Variants in CELF4 observed in about 807,000 individuals in gnomAD.
CELF4 encodes CUGBP Elav-like family member 4.
Under a neutral mutation model 59.9 loss-of-function variants are expected in CELF4, and 18 were observed. The observed-to-expected ratio is 0.30, with a 90% CI of 0.21 to 0.45. The LOEUF is 0.45. Ranked by LOEUF, CELF4 falls within the 20% of genes least tolerant of loss-of-function variation. CELF4 has a pLI of 1.00. For missense variants in CELF4, 456 were observed against 689.0 expected, an observed-to-expected ratio of 0.66 and a Z score of 3.79; for synonymous variants, 261 against 267.1, an observed-to-expected ratio of 0.98 and a Z score of 0.22.
At chr18:37,275,319 GAGCGGCA>G in intron 3 of CELF4, 76 bp from the exon 4 acceptor site, 1 of 1,505,712 alleles carries the variant, frequency 6.6e-7, no homozygotes, top group East Asian at 2.7e-5. Context: ...CGGAGGGGGA[GAGCGGCA>G]GGGAAAGGGA....
At chr18:37,272,224 A>T (rs1169064582) in intron 7 of CELF4, among the ~76,000 whole-genome samples, 1 of 152,162 alleles carries the variant, frequency 6.6e-6, no homozygotes. Flanking sequence ...TGACACTATT[A>T]CCATCTGGGG....
At chr18:37,526,226 A>G (rs2099963683) in intron 1 of CELF4, among the ~76,000 whole-genome samples, 1 of 152,132 alleles carries the variant, frequency 6.6e-6, no homozygotes, top group East Asian at 1.9e-4. Flanking sequence ...TAGAGGATGC[A>G]TTTTCTTTCA....
At chr18:37,270,644 C>T (rs2090704336) in intron 8 of CELF4, 124 bp downstream of exon 8, 1 of 1,218,702 alleles carries the variant, frequency 8.2e-7, no homozygotes, top group Non-Finnish European at 1.2e-6. Flanking sequence ...TCTGATCACA[C>T]TTGGGGTTTC....
chr18:37,498,897 G>A (rs771714162), intron 1 of CELF4, among the ~76,000 whole-genome samples: 4 of 152,166 alleles, frequency 2.6e-5, no homozygotes, highest in Admixed American at 6.5e-5. Context: ...ACACTCACCT[G>A]CTGGGGTCCT....
chr18:37,325,873 T>C (rs968046343), intron 2 of CELF4, among the ~76,000 whole-genome samples: 3 of 152,232 alleles, frequency 2.0e-5, no homozygotes, highest in African/African-American at 7.2e-5. Context: ...TTTGAGGGGC[T>C]TGTCAGAGAG....
chr18:37,479,327 G>C (rs756022351), intron 2 of CELF4, among the ~76,000 whole-genome samples: 1 of 152,222 alleles, frequency 6.6e-6, no homozygotes, highest in Non-Finnish European at 1.5e-5. Flanking sequence ...GGGCCTCACT[G>C]TCCCACCTTC....
In CELF4 at chr18:37,254,023, G is replaced by A. The variant is rs1176013902; in HGVS notation, c.1334-85C>T. ...GCGGGGAGGGGTCGGGGGACAGGGG[G>A]GCGGGGCGGGCCTGAGGCTCTCCCC... On this transcript the variant is annotated intron_variant, in intron 11 of 12. Transcript: ENST00000420428. This position sits in a 1 kb window ranked among gnomAD's most constrained non-coding sequence, Gnocchi z 5.1. 3.6e-5 allele frequency: 38 copies of A among 1,048,134 alleles called. No individual in the cohort carries two copies. The highest frequency in any genetic ancestry group is 2.7e-4 in the East Asian group (8 of 29,758). 64.9% of individuals were successfully genotyped at this position (1,048,134 alleles called of 1,614,324 possible). A position where few individuals can be genotyped will look rare whatever the true frequency, so the allele number is the denominator to read the frequency against.
intron 2 of CELF4, among the ~76,000 whole-genome samples, chr18:37,334,138 C>T (rs753289051): frequency 2.0e-5 from 3 of 152,122 alleles, no homozygotes; most frequent in Non-Finnish European, 2.9e-5. Context: ...CTGCATGGGG[C>T]GTCGTAATCC....
chr18:37,346,405 G>A (rs1439588702), intron 2 of CELF4, among the ~76,000 whole-genome samples: 1 of 152,192 alleles, frequency 6.6e-6, no homozygotes, highest in East Asian at 1.9e-4. Flanking sequence ...TGTGACAGAG[G>A]CAGGGCAGGT....
At chr18:37,341,268 C>T (rs572147074) in intron 2 of CELF4, among the ~76,000 whole-genome samples, 227 of 152,300 alleles carry the variant, frequency 1.5e-3, no homozygotes, top group African/African-American at 4.8e-3. Flanking sequence ...TAATCAGCAG[C>T]CCTGGGATCC....
At chr18:37,516,881 C>T (rs913424587) in intron 1 of CELF4, among the ~76,000 whole-genome samples, 3 of 152,196 alleles carry the variant, frequency 2.0e-5, no homozygotes, top group African/African-American at 4.8e-5. Flanking sequence ...GGATCTCCTC[C>T]CCATTTTAAT....
chr18:37,250,264 C>A (rs528655852), intron 12 of CELF4, among the ~76,000 whole-genome samples: 2 of 152,284 alleles, frequency 1.3e-5, no homozygotes, highest in Admixed American at 1.3e-4. Flanking sequence ...GACAACAAAC[C>A]CAAGCCACCA....
At chr18:37,442,127 A>C (rs955289198) in intron 2 of CELF4, among the ~76,000 whole-genome samples, 4 of 152,154 alleles carry the variant, frequency 2.6e-5, no homozygotes, top group African/African-American at 9.7e-5. Flanking sequence ...ACAAAGGATG[A>C]ATTACCCAGG....
At chr18:37,545,633 C>T (rs555029229) in intron 1 of CELF4, among the ~76,000 whole-genome samples, 89 of 152,102 alleles carry the variant, frequency 5.9e-4, no homozygotes, top group Admixed American at 1.5e-3. Context: ...CCTCTGGCCT[C>T]GCTGGTCGAG....
intron 3 of CELF4, among the ~76,000 whole-genome samples, chr18:37,315,830 C>T (rs1442767240): frequency 6.6e-6 from 1 of 152,214 alleles, no homozygotes; most frequent in South Asian, 2.1e-4. Flanking sequence ...GGCTGCTGAT[C>T]CTCTTCGGCC....
intron 2 of CELF4, among the ~76,000 whole-genome samples, chr18:37,456,172 A>G (rs572960957): frequency 2.6e-5 from 4 of 152,160 alleles, no homozygotes; most frequent in South Asian, 4.2e-4. Context: ...CTCCCCATCA[A>G]GTTATCCCTG....
At chr18:37,247,767 G>C (rs2062976943) in intron 12 of CELF4, among the ~76,000 whole-genome samples, 1 of 152,114 alleles carries the variant, frequency 6.6e-6, no homozygotes, top group Non-Finnish European at 1.5e-5. Flanking sequence ...TGGGGAGGGG[G>C]GCATGGGCGG....
intron 1 of CELF4, among the ~76,000 whole-genome samples, chr18:37,564,993 T>A (rs1368777676): frequency 6.6e-6 from 1 of 151,908 alleles, no homozygotes; most frequent in Non-Finnish European, 1.5e-5. Context: ...AGCCCGCGAG[T>A]CCGTCCGCTC....
rs116473627 is a variant in CELF4 at position 37,299,585 on chromosome 18, G to A, written c.448+22218C>T. On this transcript the variant is annotated intron_variant, in intron 3 of 12. Transcript: ENST00000420428. ...GAGAACCAGGAGAGGCTGGCACTGC[G>A]GGCTCGGCTGTCTCCTGCGGCGTGA... is the stretch of plus-strand genomic sequence containing the variant. 9.0e-3 allele frequency among the ~76,000 whole-genome samples: 1,368 copies of A among 152,296 alleles called. 16 individuals are homozygous for A. The highest frequency in any genetic ancestry group is 0.031 in the African/African-American group (1,305 of 41,546).
Sources: gnomAD v4.1 joint callset for allele counts (sites outside exome capture counted in the v4.1 genomes callset) on GRCh38, gnomAD v4.1.1 for gene constraint, Gnocchi (gnomAD v3.1) non-coding constraint, MANE v1.5 for transcripts, NCBI Gene and HGNC (gene_info 2026-07-23, HGNC 2026-07-21) for gene names.